The following TTC7A variants were observed in gnomAD, a reference collection of about 807,000 sequenced individuals.
TTC7A encodes tetratricopeptide repeat protein 7A.
Under a neutral mutation model 103.7 loss-of-function variants are expected in TTC7A, and 110 were observed. The observed-to-expected ratio is 1.06, with a 90% CI of 0.91 to 1.24. The LOEUF (loss-of-function observed/expected upper bound fraction) is 1.24. Ranked by LOEUF, TTC7A falls within the 50% of genes most tolerant of loss-of-function variation. TTC7A has a pLI of 0.00. For missense variants in TTC7A, 1,340 were observed against 1,116.3 expected, an observed-to-expected ratio of 1.20 and a Z score of -2.86; for synonymous variants, 521 against 467.9, an observed-to-expected ratio of 1.11 and a Z score of -1.47.
intron 19 of TTC7A, among the ~76,000 whole-genome samples, chr2:47,073,102 C>T (rs1238633192): frequency 6.6e-6 from 1 of 152,176 alleles, no homozygotes; most frequent in Non-Finnish European, 1.5e-5. Context: ...TGACCCTCTC[C>T]TGAGGAGCCA....
intron 2 of TTC7A, among the ~76,000 whole-genome samples, chr2:46,926,694 C>A (rs1301422907): frequency 1.3e-5 from 2 of 152,176 alleles, no homozygotes; most frequent in African/African-American, 2.4e-5. Context: ...CAGATGATTT[C>A]TACAATAATT....
At chr2:47,073,283 C>T (rs1172426381) in intron 19 of TTC7A, among the ~76,000 whole-genome samples, 7 of 152,184 alleles carry the variant, frequency 4.6e-5, no homozygotes, top group Admixed American at 4.6e-4. Flanking sequence ...AGACACTTCT[C>T]AGAGCTTTAC....
At chr2:47,069,270 G>T (rs1011800161) in intron 19 of TTC7A, among the ~76,000 whole-genome samples, 2 of 152,190 alleles carry the variant, frequency 1.3e-5, no homozygotes, top group African/African-American at 4.8e-5. Context: ...AGTCCCCCAG[G>T]ATGTGACCCA....
At chr2:46,982,185 C>T (rs1252940708) in intron 5 of TTC7A, among the ~76,000 whole-genome samples, 3 of 152,084 alleles carry the variant, frequency 2.0e-5, no homozygotes, top group Admixed American at 2.0e-4. Context: ...CCAGCCTGGG[C>T]AACATAGGGA....
At position 46,974,973 on chromosome 2, in the gene TTC7A, G is replaced by A. The variant is rs1283566399; in HGVS notation, c.518G>A (p.Gly173Asp). 7 of 1,613,298 alleles carry A rather than the reference G, an allele frequency of 4.3e-6. No homozygotes were observed. Among genetic ancestry groups the A allele is most frequent in the Non-Finnish European group, 5.9e-6 (7 of 1,179,696 alleles). The change falls in exon 4 of 20, where the codon GGC becomes GAC. Residue 173 changes from glycine (G) to aspartate (D), a missense_variant and splice_region_variant. Physicochemically the swap from Gly to Asp is moderately conservative, Grantham distance 94. Transcript: ENST00000319190. ...CTGAGGCACCCTCTTCCTCCCGCAG[G>A]CCTCTCTCTGGAACGCCTACCCAAC... ...RLLSEAFVIKGLSLERLPNSI... is the reference protein window; with the variant it reads ...RLLSEAFVIKDLSLERLPNSI...
chr2:46,945,468 T>C (rs957832336), intron 1 of TTC7A, among the ~76,000 whole-genome samples: 6 of 152,246 alleles, frequency 3.9e-5, no homozygotes, highest in African/African-American at 1.2e-4. Flanking sequence ...CAGGATGGTC[T>C]CTATCTGTTG....
chr2:46,982,060 A>G (rs527525808), intron 5 of TTC7A, among the ~76,000 whole-genome samples: 72 of 152,272 alleles, frequency 4.7e-4, no homozygotes, highest in African/African-American at 1.4e-3. Context: ...ACGAGTCCCT[A>G]TCTTCCAAAT....
At chr2:47,021,093 C>T (rs570556865) in intron 11 of TTC7A, among the ~76,000 whole-genome samples, 9 of 152,234 alleles carry the variant, frequency 5.9e-5, no homozygotes, top group Non-Finnish European at 1.2e-4. Flanking sequence ...TCCCTGCCCT[C>T]TCTGGAAACT....
chr2:47,051,698 C>A (rs372874122), intron 17 of TTC7A, 48 bp from the exon 18 acceptor site: 1 of 1,561,290 alleles, frequency 6.4e-7, no homozygotes, highest in Admixed American at 1.7e-5. Context: ...GGGCCTGCAA[C>A]GTGTGGACCT....
chr2:46,956,926 C>T lies in TTC7A; in HGVS notation c.436C>T (p.Arg146Trp), dbSNP rs138592761. The T allele has an allele frequency of 1.3e-5, 21 of 1,614,048 alleles. No homozygotes were observed. The highest frequency in any genetic ancestry group is 6.7e-5 in the East Asian group (3 of 44,894). Residue 146 changes from arginine (R) to tryptophan (W), a missense_variant, in exon 3 of 20, where the codon CGG (arginine) becomes TGG (tryptophan). Coordinates refer to ENST00000319190, the MANE Select transcript of TTC7A (RefSeq NM_020458.4). ...CCGAGATGCCATCAGCATGTACGCA[C>T]GGGCCGGGATTGATGACATGTCCAT... Reference protein sequence around the residue: ...SYRDAISMYARAGIDDMSMEN... With the variant: ...SYRDAISMYAWAGIDDMSMEN...
At position 47,070,916 on chromosome 2, in the gene TTC7A, C is replaced by T. The variant is rs116012636; in HGVS notation, c.2356-2786C>T. Among the ~76,000 whole-genome samples the T allele has an allele frequency of 3.3e-3, 504 of 152,298 alleles. 2 individuals are homozygous for T. The highest frequency in any genetic ancestry group is 0.011 in the African/African-American group (475 of 41,554). On this transcript the variant is annotated intron_variant, in intron 19 of 19. Coordinates refer to ENST00000319190, the MANE Select transcript of TTC7A (RefSeq NM_020458.4). ...GCATCTCCCAAGGGACGGTCAAAAACTGGAAGCCTCTCAGCAGATCTGGTC... is the reference window on the plus strand; with the variant it reads ...GCATCTCCCAAGGGACGGTCAAAAATTGGAAGCCTCTCAGCAGATCTGGTC...
chr2:46,953,911 C>A (rs974757485), intron 2 of TTC7A, among the ~76,000 whole-genome samples: 6 of 151,262 alleles, frequency 4.0e-5, no homozygotes, highest in Admixed American at 3.3e-4. Context: ...GATCCTCTTG[C>A]CTTGGTCTCC....
intron 2 of TTC7A, among the ~76,000 whole-genome samples, chr2:46,922,921 C>G (rs2103809591): frequency 6.6e-6 from 1 of 152,318 alleles, no homozygotes; most frequent in African/African-American, 2.4e-5. Context: ...TCCAAGGCCC[C>G]TAAAACATCT....
rs140111527 is a variant in TTC7A at position 46,995,138 on chromosome 2, T to G, written c.1004T>G (p.Leu335Arg). Residue 335 changes from leucine to arginine, a missense_variant and splice_region_variant, in exon 8 of 20, where the codon CTC becomes CGC. Transcript: ENST00000319190. Reference sequence around the variant, plus strand: ...GGCCTGTCATTGGTGTCTTTCAGCCTCTACTGCCCCAAGGACAACATCGAG... The same window carrying G: ...GGCCTGTCATTGGTGTCTTTCAGCCGCTACTGCCCCAAGGACAACATCGAG... ...RKPHLYEGDN[L>R]YCPKDNIEEA... is the part of the protein sequence containing the mutation. 43 of 1,614,212 alleles carry G rather than the reference T, an allele frequency of 2.7e-5. No homozygotes were observed. In the East Asian group the frequency reaches 9.1e-4, roughly 34 times the overall value.
intron 5 of TTC7A, among the ~76,000 whole-genome samples, chr2:46,989,569 G>A (rs1675387368): frequency 6.6e-6 from 1 of 151,986 alleles, no homozygotes. Context: ...GTGTTAGCTG[G>A]GACCCCAGAT....
upstream of TTC7A, among the ~76,000 whole-genome samples, chr2:46,939,643 G>T (rs921376113): frequency 6.6e-6 from 1 of 152,124 alleles, no homozygotes; most frequent in Non-Finnish European, 1.5e-5. Context: ...TTCTGCCAAG[G>T]TCGCCTCCCT....
chr2:46,974,945 G>C (rs375043011), intron 3 of TTC7A, 28 bp from the exon 4 acceptor site: 53 of 1,610,446 alleles, frequency 3.3e-5, no homozygotes, highest in East Asian at 2.7e-4. Context: ...GAGCAGGACA[G>C]GTCTGAGGCA....
chr2:46,947,736 G>C (rs1423786630), intron 1 of TTC7A, among the ~76,000 whole-genome samples: 2 of 152,088 alleles, frequency 1.3e-5, no homozygotes, highest in African/African-American at 4.8e-5. Context: ...AATCTGTTAT[G>C]CTCTGATACT....
intron 19 of TTC7A, chr2:47,071,171 T>C (rs1230559940): frequency 6.6e-6 from 1 of 152,272 alleles, no homozygotes; most frequent in South Asian, 2.1e-4. Flanking sequence ...TCTTGCCCAG[T>C]TGTCAGGCAG....
Sources: gnomAD v4.1 joint callset for allele counts (sites outside exome capture counted in the v4.1 genomes callset) on GRCh38, gnomAD v4.1.1 for gene constraint, MANE v1.5 for transcripts, NCBI Gene and HGNC (gene_info 2026-07-23, HGNC 2026-07-21) for gene names.